The following SPIRE1 variants were observed in gnomAD, a reference collection of about 807,000 sequenced individuals.
SPIRE1 encodes spire type actin nucleation factor 1, also known as protein spire homolog 1.
SPIRE1 carries 40 observed loss-of-function variants against 94.1 expected under a neutral mutation model. That is an observed-to-expected ratio of 0.43 (90% CI 0.33 to 0.55). SPIRE1 has a LOEUF of 0.55. Among genes scored for constraint, SPIRE1 ranks in the 20% least tolerant of loss-of-function variants. The pLI is 0.06. For synonymous variants in SPIRE1, 376 were observed against 371.7 expected (o/e 1.01, Z -0.13); for missense variants, 838 against 975.2 (o/e 0.86, Z 1.87).
intron 1 of SPIRE1, among the ~76,000 whole-genome samples, chr18:12,642,407 T>C (rs1267685692): frequency 6.6e-6 from 1 of 152,100 alleles, no homozygotes; most frequent in African/African-American, 2.4e-5. Context: ...ATCCCTTACC[T>C]TTCAAAAAAA....
At chr18:12,620,977 G>A (rs916398109) in intron 2 of SPIRE1, among the ~76,000 whole-genome samples, 36 of 152,226 alleles carry the variant, frequency 2.4e-4, no homozygotes, top group African/African-American at 8.4e-4. Flanking sequence ...ATTTTAAAAT[G>A]GGCAAAGGTC....
At chr18:12,463,320 T>TA in intron 12 of SPIRE1, 31 bp downstream of exon 12, 1 of 1,572,460 alleles carries the variant, frequency 6.4e-7, no homozygotes, top group Non-Finnish European at 8.6e-7. Flanking sequence ...AGCTGGTCCC[T>TA]AAGTTACTAC....
intron 10 of SPIRE1, among the ~76,000 whole-genome samples, chr18:12,474,207 G>C (rs1167516805): frequency 6.6e-6 from 1 of 152,200 alleles, no homozygotes; most frequent in African/African-American, 2.4e-5. Flanking sequence ...TCTTCAAGGG[G>C]AAATTCTGGT....
At chr18:12,560,766 T>C (rs1056613440) in intron 2 of SPIRE1, among the ~76,000 whole-genome samples, 18 of 152,158 alleles carry the variant, frequency 1.2e-4, no homozygotes, top group Admixed American at 9.8e-4. Flanking sequence ...GTGGGAGAAC[T>C]GCTGGAATCC....
chr18:12,461,467 T>C (rs566022641), intron 12 of SPIRE1, among the ~76,000 whole-genome samples: 107 of 151,416 alleles, frequency 7.1e-4, no homozygotes, highest in Admixed American at 1.0e-3. Flanking sequence ...TGTATGTACA[T>C]ATGTACGTAC....
upstream of SPIRE1, chr18:12,658,760 C>G: frequency 2.7e-6 from 1 of 368,326 alleles, no homozygotes; most frequent in East Asian, 8.1e-5. Context: ...TCCCTCTCCA[C>G]TCCCATCTTC....
chr18:12,494,846 A>AT (rs1437708099), intron 7 of SPIRE1, among the ~76,000 whole-genome samples: 3 of 146,842 alleles, frequency 2.0e-5, no homozygotes, highest in Non-Finnish European at 4.5e-5. Context: ...CTCAAAAAAA[A>AT]AAAAAAAAAA....
At chr18:12,495,928 A>G (rs1183158336) in intron 7 of SPIRE1, 88 bp downstream of exon 7, 2 of 985,170 alleles carry the variant, frequency 2.0e-6, no homozygotes, top group Non-Finnish European at 1.6e-6. Context: ...AAAACCACCT[A>G]GGAAAGCTGA....
intron 2 of SPIRE1, among the ~76,000 whole-genome samples, chr18:12,610,897 C>T (rs534661844): frequency 1.3e-5 from 2 of 152,236 alleles, no homozygotes; most frequent in Admixed American, 6.5e-5. Flanking sequence ...CTCAGCACCT[C>T]GTAGCATCTT....
At chr18:12,453,508 AC>A (rs1213159643) in intron 13 of SPIRE1, among the ~76,000 whole-genome samples, 2 of 148,938 alleles carry the variant, frequency 1.3e-5, no homozygotes, top group Admixed American at 6.8e-5. Flanking sequence ...ATCTTGGCTC[AC>A]TGCAAGCTCC....
intron 2 of SPIRE1, among the ~76,000 whole-genome samples, chr18:12,596,820 T>G (rs1332828165): frequency 6.6e-6 from 1 of 152,104 alleles, no homozygotes; most frequent in Non-Finnish European, 1.5e-5. Context: ...CTTAATTCAT[T>G]ACATGTTCCT....
chr18:12,607,984 G>A (rs2037032106), intron 2 of SPIRE1, among the ~76,000 whole-genome samples: 1 of 151,788 alleles, frequency 6.6e-6, no homozygotes, highest in Non-Finnish European at 1.5e-5. Flanking sequence ...GTGAAACCCC[G>A]TCTCTACTAA....
rs1452014282 is a variant in SPIRE1 at position 12,493,123 on chromosome 18, C to T, written c.1138G>A (p.Glu380Lys). 1 of 1,613,608 alleles carries T rather than the reference C, an allele frequency of 6.2e-7. No homozygotes were observed. The highest frequency in any genetic ancestry group is 8.5e-7 in the Non-Finnish European group (1 of 1,179,974). The change falls in exon 8 of 17, where the codon GAA becomes AAA. Residue 380 changes from glutamate to lysine, a missense_variant. Transcript: ENST00000409402. ...HERILEEIKAERKLRPVSPEE... is the reference protein window; with the variant it reads ...HERILEEIKAKRKLRPVSPEE... Reference sequence around the variant, plus strand: ...GGTGATACAGGCCGCAGCTTTCTTTCTGCTTTAATTTCTTCTAATATTCTT... The same window carrying T: ...GGTGATACAGGCCGCAGCTTTCTTTTTGCTTTAATTTCTTCTAATATTCTT...
intron 8 of SPIRE1, among the ~76,000 whole-genome samples, chr18:12,488,168 C>T (rs1171918186): frequency 6.6e-6 from 1 of 152,198 alleles, no homozygotes; most frequent in Non-Finnish European, 1.5e-5. Flanking sequence ...ATATCGTTTG[C>T]CATATCCTTT....
chr18:12,619,964 G>GA (rs1179627627), intron 2 of SPIRE1, among the ~76,000 whole-genome samples: 3 of 151,932 alleles, frequency 2.0e-5, no homozygotes, highest in South Asian at 2.1e-4. Flanking sequence ...GGAATCTACT[G>GA]AAAAAACATT....
Position 12,657,759 on chromosome 18 carries a change from G to A in SPIRE1, c.108C>T (p.Ser36=). 1 of 1,350,822 alleles carries A rather than the reference G, an allele frequency of 7.4e-7. No homozygotes were observed. Among genetic ancestry groups the A allele is most frequent in the South Asian group, 1.7e-5 (1 of 58,748 alleles). 83.7% of individuals were successfully genotyped at this position (1,350,822 alleles called of 1,614,324 possible). Residue 36 remains serine (S), a synonymous_variant, in exon 1 of 17, where the codon TCC becomes TCT. Transcript: ENST00000409402. The part of the protein sequence containing the change: ...PGAAGGAAGG[S]RDALSLEEIL... ...TCTCCTCCAGGCTCAGCGCGTCCCGGGAGCCCCCGGCCGCGCCGCCGGCTG... is the reference window on the plus strand; with the variant it reads ...TCTCCTCCAGGCTCAGCGCGTCCCGAGAGCCCCCGGCCGCGCCGCCGGCTG...
chr18:12,454,768 C>CG (rs1184367412), intron 12 of SPIRE1, among the ~76,000 whole-genome samples: 1 of 152,074 alleles, frequency 6.6e-6, no homozygotes, highest in African/African-American at 2.4e-5. Flanking sequence ...AACTCTATTC[C>CG]GTTAAGCAGG....
intron 1 of SPIRE1, among the ~76,000 whole-genome samples, chr18:12,644,216 A>G (rs1275558955): frequency 6.7e-6 from 1 of 148,480 alleles, no homozygotes; most frequent in Admixed American, 6.7e-5. Flanking sequence ...AAAAAAAAAA[A>G]GGTCAGGGTT....
chr18:12,653,776 G>A (rs778809418), intron 1 of SPIRE1, among the ~76,000 whole-genome samples: 15 of 151,786 alleles, frequency 9.9e-5, no homozygotes, highest in Admixed American at 2.0e-4. Context: ...GGGAAACCCC[G>A]TCTCTACTAA....
Sources: gnomAD v4.1 joint callset for allele counts (sites outside exome capture counted in the v4.1 genomes callset) on GRCh38, gnomAD v4.1.1 for gene constraint, MANE v1.5 for transcripts, NCBI Gene and HGNC (gene_info 2026-07-23, HGNC 2026-07-21) for gene names.